The following STBD1 variants were observed in gnomAD, a reference collection of about 807,000 sequenced individuals.
The protein encoded by STBD1 is starch binding domain 1, also known as starch-binding domain-containing protein 1.
Under a neutral mutation model 10.5 loss-of-function variants are expected in STBD1, and 13 were observed. That is an observed-to-expected ratio of 1.24 (90% CI 0.81 to 1.97). STBD1 has a LOEUF of 1.97. Among genes scored for constraint, STBD1 ranks in the 30% most tolerant of loss-of-function variants. STBD1 has a pLI of 0.00. For missense variants in STBD1, 427 were observed against 435.6 expected (o/e 0.98, Z 0.17); for synonymous variants, 146 against 160.2 (o/e 0.91, Z 0.67).
intron 1 of STBD1, among the ~76,000 whole-genome samples, chr4:76,307,780 GCC>G (rs1043786609): frequency 6.6e-6 from 1 of 152,190 alleles, no homozygotes; most frequent in African/African-American, 2.4e-5. Context: ...ACCGTCCAGT[GCC>G]CTCCCTTGGC....
Position 76,306,743 on chromosome 4 carries a change from G to A in STBD1, c.-27G>A. Reference sequence around the variant, plus strand: ...CTGAGCCCCGGTCCCAGTCCCTGTAGTCTCCTGCGGCCGCGGCCTCTCAGC... The same window carrying A: ...CTGAGCCCCGGTCCCAGTCCCTGTAATCTCCTGCGGCCGCGGCCTCTCAGC... On this transcript the variant is annotated 5_prime_UTR_variant, in exon 1 of 2. Transcript: ENST00000237642. 1 of 1,600,754 alleles carries A rather than the reference G, an allele frequency of 6.2e-7. No individual in the cohort carries two copies. The highest frequency in any genetic ancestry group is 8.5e-7 in the Non-Finnish European group (1 of 1,176,538).
chr4:76,306,934 T>C lies in STBD1; in HGVS notation c.165T>C (p.Ser55=), dbSNP rs1160790597. 6.2e-7 allele frequency: 1 copy of C among 1,611,098 alleles called. No homozygotes were observed. Among genetic ancestry groups the C allele is most frequent in the South Asian group, 1.1e-5 (1 of 90,534 alleles). ...GGAAIPGGHQ[S]GSSGLSPGPS... ...CTGCGATTCCGGGAGGCCATCAGAGTGGCAGCAGCGGACTGAGCCCTGGAC... is the reference window on the plus strand; with the variant it reads ...CTGCGATTCCGGGAGGCCATCAGAGCGGCAGCAGCGGACTGAGCCCTGGAC... Residue 55 remains serine (S), a synonymous_variant, in exon 1 of 2, where the codon AGT becomes AGC. Coordinates refer to ENST00000237642, the MANE Select transcript of STBD1 (RefSeq NM_003943.5).
In STBD1 at chr4:76,310,110, A is replaced by T; in HGVS notation, c.*110A>T. On this transcript the variant is annotated 3_prime_UTR_variant, in exon 2 of 2. Transcript: ENST00000237642. ...TGTGACTCCAAATTCAGCCATCTGAATTGTTTAAATTTGCTAGTGGATTTT... is the reference window on the plus strand; with the variant it reads ...TGTGACTCCAAATTCAGCCATCTGATTTGTTTAAATTTGCTAGTGGATTTT... 7.0e-7 allele frequency: 1 copy of T among 1,431,146 alleles called. No homozygotes were observed. Among genetic ancestry groups the T allele is most frequent in the Non-Finnish European group, 9.3e-7 (1 of 1,070,348 alleles). 88.7% of individuals were successfully genotyped at this position (1,431,146 alleles called of 1,614,324 possible). A position where few individuals can be genotyped will look rare whatever the true frequency, so the allele number is the denominator to read the frequency against.
intron 1 of STBD1, among the ~76,000 whole-genome samples, chr4:76,308,445 T>G (rs567938908): frequency 1.3e-5 from 2 of 152,190 alleles, no homozygotes; most frequent in South Asian, 4.1e-4. Flanking sequence ...GGAAACTGCA[T>G]TTTTAGAGGA....
At chr4:76,307,071 C>T in intron 1 of STBD1, 82 bp downstream of exon 1, 2 of 1,404,942 alleles carry the variant, frequency 1.4e-6, no homozygotes, top group Admixed American at 3.9e-5. Flanking sequence ...GACAAACCCA[C>T]CTGGAGCTTT....
At chr4:76,307,878 C>G (rs1372965057) in intron 1 of STBD1, among the ~76,000 whole-genome samples, 1 of 152,124 alleles carries the variant, frequency 6.6e-6, no homozygotes, top group Non-Finnish European at 1.5e-5. Flanking sequence ...CATGTGCAGC[C>G]ATATGAAAAT....
intron 1 of STBD1, among the ~76,000 whole-genome samples, chr4:76,308,617 TAC>T (rs1718849775): frequency 6.6e-6 from 1 of 152,244 alleles, no homozygotes. Context: ...AGGGAAGCAC[TAC>T]TGTTCTCCGT....
chr4:76,308,142 G>A (rs772961888), intron 1 of STBD1, among the ~76,000 whole-genome samples: 6 of 151,972 alleles, frequency 3.9e-5, no homozygotes, highest in Non-Finnish European at 5.9e-5. Context: ...GGTAGTAGGC[G>A]CCGGTAGTCC....
At chr4:76,308,194 G>A (rs551581215) in intron 1 of STBD1, among the ~76,000 whole-genome samples, 3 of 151,428 alleles carry the variant, frequency 2.0e-5, no homozygotes, top group African/African-American at 7.3e-5. Flanking sequence ...GCTTGAACCC[G>A]GGAGACAGAG....
rs1434044572 is a variant in STBD1, at chr4:76,306,897, C to T, written c.128C>T (p.Pro43Leu). 2 of 1,612,610 alleles carry T rather than the reference C, an allele frequency of 1.2e-6. No homozygotes were observed. The highest frequency in any genetic ancestry group is 2.2e-5 in the South Asian group (2 of 90,866). The change falls in exon 1 of 2, where the codon CCT (proline) becomes CTT (leucine). Residue 43 changes from proline to leucine, a missense_variant. Pro to Leu is a moderately conservative substitution (Grantham distance 98). Coordinates refer to ENST00000237642, the MANE Select transcript of STBD1 (RefSeq NM_003943.5). ...GATGCGGAGCAGGAGAAAGACGCCC[C>T]TCTTGGGGGAGCTGCGATTCCGGGA... Reference protein sequence around the residue: ...DGDAEQEKDAPLGGAAIPGGH... With the variant: ...DGDAEQEKDALLGGAAIPGGH...
In STBD1 at chr4:76,310,224, CT is replaced by C; in HGVS notation, c.*226del. ...TATATGCACACACACACAGATAATG[CT>C]TCCAGTGAATGTGAACTTCTTTTCC... On this transcript the variant is annotated 3_prime_UTR_variant, in exon 2 of 2. Transcript: ENST00000237642. 1.8e-6 allele frequency: 1 copy of C among 543,364 alleles called. No individual in the cohort carries two copies. Among genetic ancestry groups the C allele is most frequent in the Non-Finnish European group, 3.2e-6 (1 of 311,794 alleles). 33.7% of individuals were successfully genotyped at this position (543,364 alleles called of 1,614,324 possible). A position where few individuals can be genotyped will look rare whatever the true frequency, so the allele number is the denominator to read the frequency against.
chr4:76,309,417 C>A lies in STBD1; in HGVS notation c.494C>A (p.Ala165Glu), dbSNP rs758461945. Residue 165 changes from alanine to glutamate, a missense_variant, in exon 2 of 2, where the codon GCA (alanine) becomes GAA (glutamate). Ala to Glu is a moderately radical substitution (Grantham distance 107). Transcript: ENST00000237642. ...FQKGQEISAK[A>E]ATCFAEKLPS... The stretch of plus-strand genomic sequence containing the variant: ...AAAGGACAAGAGATATCTGCTAAAG[C>A]AGCTACATGTTTTGCAGAGAAGTTG... 2 of 1,614,052 alleles carry A rather than the reference C, an allele frequency of 1.2e-6. No individual in the cohort carries two copies. Among genetic ancestry groups the A allele is most frequent in the African/African-American group, 2.7e-5 (2 of 74,940 alleles).
Position 76,309,731 on chromosome 4 carries a change from G to A in STBD1, c.808G>A (p.Val270Ile). The stretch of plus-strand genomic sequence containing the variant: ...TCAGCAAGTTAGTGTCAGGTTCCAG[G>A]TCCATTATGTCACAAGCACTGATGT... ...GSQQVSVRFQ[V>I]HYVTSTDVQF... Residue 270 changes from valine to isoleucine, a missense_variant, in exon 2 of 2, where the codon GTC becomes ATC. Physicochemically the swap from Val to Ile is conservative, Grantham distance 29 (BLOSUM62 3). Coordinates refer to ENST00000237642, the MANE Select transcript of STBD1 (RefSeq NM_003943.5). 4 of 1,614,238 alleles carry A rather than the reference G, an allele frequency of 2.5e-6. No individual in the cohort carries two copies. The East Asian group carries it at 6.7e-5, about 27-fold the overall frequency.
Position 76,309,924 on chromosome 4 carries a change from G to A in STBD1, c.1001G>A (p.Trp334Ter), listed in dbSNP as rs531692530. ...GTAGAGAATGGGGGAGTTACCCGCT[G>A]GGAAGAATGCAGCAATAGATTCCTA... ...VLVENGGVTR[W>*]EECSNRFLET... Residue 334 changes from tryptophan (W) to a stop codon, truncating the protein, a stop_gained, in exon 2 of 2, where the codon TGG (tryptophan) becomes TAG (stop). Transcript: ENST00000237642. LOFTEE classifies it high-confidence loss of function. The A allele has an allele frequency of 1.9e-6, 3 of 1,614,088 alleles. No homozygotes were observed. The highest frequency in any genetic ancestry group is 2.7e-5 in the African/African-American group (2 of 75,018).
rs75884781 is a variant in STBD1, at chr4:76,307,482, C to T, written c.220+493C>T. The stretch of plus-strand genomic sequence containing the variant: ...GCTGGGTTTGGGAACACCCGAACTG[C>T]GGGCGCCTCCTGCTATCTGGATGCT... On this transcript the variant is annotated intron_variant, in intron 1 of 1. Coordinates refer to ENST00000237642, the MANE Select transcript of STBD1 (RefSeq NM_003943.5). Among the ~76,000 whole-genome samples, 1,514 of 152,338 alleles carry T rather than the reference C, an allele frequency of 9.9e-3. 23 individuals are homozygous for T. Among genetic ancestry groups the T allele is most frequent in the African/African-American group, 0.035 (1,448 of 41,588 alleles).
rs751482778 is a variant in STBD1 at position 76,309,631 on chromosome 4, A to C, written c.708A>C (p.Arg236Ser). Residue 236 changes from arginine (R) to serine (S), a missense_variant, in exon 2 of 2, where the codon AGA becomes AGC. Physicochemically the swap from Arg to Ser is moderately radical, Grantham distance 110. Coordinates refer to ENST00000237642, the MANE Select transcript of STBD1 (RefSeq NM_003943.5). The stretch of plus-strand genomic sequence containing the variant: ...TAAACCAGGGAATGGACAATGGAAG[A>C]AGCACTTTGGTGGAAGCAAGAGGTC... Reference protein sequence around the residue: ...LNLNQGMDNGRSTLVEARGQQ... With the variant: ...LNLNQGMDNGSSTLVEARGQQ... 18 of 1,614,122 alleles carry C rather than the reference A, an allele frequency of 1.1e-5. No homozygotes were observed. Among genetic ancestry groups the C allele is most frequent in the Non-Finnish European group, 1.5e-5 (18 of 1,180,044 alleles).
In STBD1 at chr4:76,309,287, GAC is replaced by G. The variant is rs1718871381; in HGVS notation, c.368_369del (p.Thr123ArgfsTer7). On this transcript the variant is annotated frameshift_variant, in exon 2 of 2. Transcript: ENST00000237642. LOFTEE classifies it low-confidence loss of function (END_TRUNC). ...ACATGTTCCTTCTGGACAGTTTCCAGACACAGAAGCTCCAGCTACCTCTGAGA... is the reference window on the plus strand; with the variant it reads ...ACATGTTCCTTCTGGACAGTTTCCAGACAGAAGCTCCAGCTACCTCTGAGA... ...REHVPSGQFP[D>X]TEAPATSETS... The G allele has an allele frequency of 6.2e-7, 1 of 1,614,142 alleles. No individual in the cohort carries two copies. Among genetic ancestry groups the G allele is most frequent in the Non-Finnish European group, 8.5e-7 (1 of 1,180,022 alleles).
In STBD1 at chr4:76,309,695, C is replaced by G; in HGVS notation, c.772C>G (p.Pro258Ala). ...GAAAATGGAAAGGGTAGCAGTGATG[C>G]CTGCAGGGTCTCAGCAAGTTAGTGT... ...HGKMERVAVMPAGSQQVSVRF... is the reference protein window; with the variant it reads ...HGKMERVAVMAAGSQQVSVRF... The change falls in exon 2 of 2, where the codon CCT (proline) becomes GCT (alanine). Residue 258 changes from proline (P) to alanine (A), a missense_variant. Transcript: ENST00000237642. The G allele has an allele frequency of 6.2e-7, 1 of 1,614,188 alleles. No homozygotes were observed. Among genetic ancestry groups the G allele is most frequent in the South Asian group, 1.1e-5 (1 of 91,062 alleles).
chr4:76,307,858 C>T (rs1363168038), intron 1 of STBD1, among the ~76,000 whole-genome samples: 1 of 152,118 alleles, frequency 6.6e-6, no homozygotes, highest in Non-Finnish European at 1.5e-5. Flanking sequence ...ATTTTTAGCC[C>T]AGTGGTGTTC....
Sources: gnomAD v4.1 joint callset for allele counts (sites outside exome capture counted in the v4.1 genomes callset) on GRCh38, gnomAD v4.1.1 for gene constraint, MANE v1.5 for transcripts, NCBI Gene and HGNC (gene_info 2026-07-23, HGNC 2026-07-21) for gene names.